The following MYRFL variants were observed in gnomAD, a reference collection of about 807,000 sequenced individuals.
The protein encoded by MYRFL is myelin regulatory factor like, also known as myelin regulatory factor-like protein.
MYRFL carries 88 observed loss-of-function variants against 109.4 expected under a neutral mutation model. The observed-to-expected ratio is 0.80, with a 90% CI of 0.68 to 0.96. The LOEUF is 0.96. Among genes scored for constraint, MYRFL ranks in the 40% least tolerant of loss-of-function variants. The probability of loss-of-function intolerance (pLI) is 0.00; values close to 1 mark genes in which losing one functional copy is unlikely to be tolerated. For missense variants in MYRFL, 957 were observed against 954.9 expected (o/e 1.00, Z -0.03); for synonymous variants, 324 against 320.9 (o/e 1.01, Z -0.10).
At chr12:69,906,891 G>A in intron 11 of MYRFL, among the ~76,000 whole-genome samples, 1 of 152,242 alleles carries the variant, frequency 6.6e-6, no homozygotes, top group East Asian at 1.9e-4. Context: ...ATATATTATA[G>A]AAACCTTGGG....
chr12:69,852,267 C>A (rs1221146566), intron 1 of MYRFL, among the ~76,000 whole-genome samples: 2 of 152,126 alleles, frequency 1.3e-5, no homozygotes, highest in Admixed American at 1.3e-4. Context: ...AGCCTAAGAA[C>A]AATGTAGGTC....
intron 19 of MYRFL, among the ~76,000 whole-genome samples, chr12:69,948,341 T>TA (rs576993571): frequency 1.8e-4 from 27 of 152,216 alleles, no homozygotes; most frequent in East Asian, 5.8e-4. Flanking sequence ...TGCTGTTTTT[T>TA]AAAAAAAACC....
intron 11 of MYRFL, among the ~76,000 whole-genome samples, chr12:69,905,063 A>G (rs1244626183): frequency 6.6e-6 from 1 of 152,250 alleles, no homozygotes; most frequent in African/African-American, 2.4e-5. Flanking sequence ...ATGCAGAGCT[A>G]GAGAGTTCTT....
At chr12:69,856,773 T>C (rs1884315718) in intron 2 of MYRFL, among the ~76,000 whole-genome samples, 1 of 151,998 alleles carries the variant, frequency 6.6e-6, no homozygotes, top group East Asian at 1.9e-4. Flanking sequence ...TTAGAAAAAT[T>C]TTTAGATATT....
At chr12:69,899,302 TTTAA>T (rs1436002546) in intron 10 of MYRFL, among the ~76,000 whole-genome samples, 1 of 152,240 alleles carries the variant, frequency 6.6e-6, no homozygotes, top group Non-Finnish European at 1.5e-5. Flanking sequence ...TTTTGGTTTA[TTTAA>T]TTGTTTAAGA....
chr12:69,957,699 T>C (rs1051837892), intron 22 of MYRFL, 123 bp from the exon 23 acceptor site: 30 of 1,202,320 alleles, frequency 2.5e-5, no homozygotes, highest in Non-Finnish European at 3.2e-5. Flanking sequence ...ACAATGCCTA[T>C]TGTGAACTTT....
intron 1 of MYRFL, among the ~76,000 whole-genome samples, chr12:69,846,230 G>A (rs1344968806): frequency 1.4e-5 from 2 of 147,822 alleles, no homozygotes; most frequent in Non-Finnish European, 1.5e-5. Flanking sequence ...GGGTACATGT[G>A]CACAATGTGC....
chr12:69,944,542 G>C (rs1955770954), intron 19 of MYRFL, among the ~76,000 whole-genome samples: 1 of 143,566 alleles, frequency 7.0e-6, no homozygotes, highest in Non-Finnish European at 1.5e-5. Flanking sequence ...TGTGGGGTTG[G>C]GGGAGGGGGG....
chr12:69,881,564 G>C (rs1886112529), intron 5 of MYRFL, among the ~76,000 whole-genome samples: 1 of 152,208 alleles, frequency 6.6e-6, no homozygotes, highest in Non-Finnish European at 1.5e-5. Context: ...GGGACCTTTG[G>C]CGTCAGCTCC....
intron 10 of MYRFL, among the ~76,000 whole-genome samples, chr12:69,901,809 T>A (rs1184650893): frequency 1.3e-5 from 2 of 152,130 alleles, no homozygotes; most frequent in East Asian, 3.8e-4. Flanking sequence ...CACAAAATAA[T>A]GTTCAAAGTT....
chr12:69,949,728 C>T (rs10748144), intron 19 of MYRFL, among the ~76,000 whole-genome samples: 19,347 of 151,540 alleles, frequency 0.13, 1,844 homozygotes, highest in East Asian at 0.48. Flanking sequence ...AATTCTTCTT[C>T]CAGTGTGGCC....
At position 69,893,750 on chromosome 12, in the gene MYRFL, G is replaced by A; in HGVS notation, c.904-14G>A. 3 of 1,372,502 alleles carry A rather than the reference G, an allele frequency of 2.2e-6. No homozygotes were observed. The highest frequency in any genetic ancestry group is 1.9e-4 in the Middle Eastern group (1 of 5,310). 85.0% of individuals were successfully genotyped at this position (1,372,502 alleles called of 1,614,324 possible). On this transcript the variant is annotated splice_polypyrimidine_tract_variant and intron_variant, in intron 7 of 24. Transcript: ENST00000552032. ...TAATTAATTAATTAGTTTACTTTTT[G>A]TTGTTTCATACAGGTGGAAGCTACC...
chr12:69,859,047 T>A (rs983112314), intron 2 of MYRFL, among the ~76,000 whole-genome samples: 17 of 151,900 alleles, frequency 1.1e-4, no homozygotes, highest in African/African-American at 3.9e-4. Flanking sequence ...ATATATATAT[T>A]TTTTTCAGTT....
chr12:69,942,042 A>C (rs1955667181), intron 19 of MYRFL, among the ~76,000 whole-genome samples: 2 of 149,204 alleles, frequency 1.3e-5, no homozygotes, highest in Non-Finnish European at 1.5e-5. Context: ...GGCAATAATC[A>C]ATAGCTTACC....
At chr12:69,943,974 C>T (rs1290217530) in intron 19 of MYRFL, among the ~76,000 whole-genome samples, 1 of 148,132 alleles carries the variant, frequency 6.8e-6, no homozygotes, top group Non-Finnish European at 1.5e-5. Flanking sequence ...CAAATCAAAA[C>T]CACAATGAGA....
intron 11 of MYRFL, 129 bp downstream of exon 11, chr12:69,903,973 C>T (rs1204682619): frequency 2.5e-6 from 2 of 814,790 alleles, no homozygotes; most frequent in Non-Finnish European, 3.7e-6. Context: ...GATGAACACA[C>T]TGCTTAAAAA....
intron 11 of MYRFL, among the ~76,000 whole-genome samples, chr12:69,905,514 G>A (rs903849227): frequency 6.6e-6 from 1 of 152,148 alleles, no homozygotes; most frequent in Admixed American, 6.5e-5. Context: ...AAGTCTAAGA[G>A]TTTAGTCCTG....
chr12:69,951,113 T>C (rs1474344829), intron 19 of MYRFL, among the ~76,000 whole-genome samples: 1 of 152,186 alleles, frequency 6.6e-6, no homozygotes, highest in Non-Finnish European at 1.5e-5. Flanking sequence ...GATGACTGCA[T>C]TGATGGTTCA....
rs374015910 is a variant in MYRFL, at chr12:69,846,410, A to G, written c.47-8870A>G. Among the ~76,000 whole-genome samples, 17 of 147,958 alleles carry G rather than the reference A, an allele frequency of 1.1e-4. No individual in the cohort carries two copies. The East Asian group carries it at 2.8e-3, about 24-fold the overall frequency. On this transcript the variant is annotated intron_variant, in intron 1 of 24. Transcript: ENST00000552032. ...TGTGTCCGTGTGTTCTCATTGTTCAATTCCCACCTATGAGTGAGAATATGC... is the reference window on the plus strand; with the variant it reads ...TGTGTCCGTGTGTTCTCATTGTTCAGTTCCCACCTATGAGTGAGAATATGC...
Sources: allele counts gnomAD v4.1 joint callset (sites outside exome capture counted in the v4.1 genomes callset), GRCh38; gene constraint gnomAD v4.1.1; transcripts MANE v1.5; gene names NCBI Gene and HGNC (gene_info 2026-07-23, HGNC 2026-07-21).